The following HEXIM1 variants were observed in gnomAD, a reference collection of about 807,000 sequenced individuals.
HEXIM1 encodes HEXIM P-TEFb complex subunit 1.
In HEXIM1, 1 loss-of-function variant was observed where a neutral mutation model predicts 30.3. The ratio of observed to expected loss-of-function variants is 0.03; its 90% CI spans 0.01 to 0.16. HEXIM1 has a LOEUF of 0.16. Among genes scored for constraint, HEXIM1 ranks in the 10% least tolerant of loss-of-function variants. HEXIM1 has a pLI of 1.00. For missense variants in HEXIM1, 391 were observed against 476.4 expected, an observed-to-expected ratio of 0.82 and a Z score of 1.67; for synonymous variants, 245 against 208.3, an observed-to-expected ratio of 1.18 and a Z score of -1.52.
In HEXIM1 at chr17:45,148,788, C is replaced by G; in HGVS notation, c.-403C>G. 2.5e-6 allele frequency: 1 copy of G among 402,990 alleles called. No individual in the cohort carries two copies. 25.0% of individuals were successfully genotyped at this position (402,990 alleles called of 1,614,324 possible). A position where few individuals can be genotyped will look rare whatever the true frequency, so the allele number is the denominator to read the frequency against. ...TTAACCCTTTGTGGATCTGGCCCCT[C>G]GGAGGCAGCGTCATCGGTAGTTTTA... On this transcript the variant is annotated 5_prime_UTR_variant, in exon 1 of 1. Transcript: ENST00000332499.
Position 45,149,117 on chromosome 17 carries a change from T to C in HEXIM1, c.-74T>C, listed in dbSNP as rs2055526411. The C allele has an allele frequency of 2.1e-6, 3 of 1,423,374 alleles. No individual in the cohort carries two copies. Among genetic ancestry groups the C allele is most frequent in the Admixed American group, 4.5e-5 (2 of 44,270 alleles). 88.2% of individuals were successfully genotyped at this position (1,423,374 alleles called of 1,614,324 possible). On this transcript the variant is annotated 5_prime_UTR_variant, in exon 1 of 1. Coordinates refer to ENST00000332499, the MANE Select transcript of HEXIM1 (RefSeq NM_006460.3). The surrounding 1 kb of genome is among the most constrained non-coding windows in gnomAD (Gnocchi z 5.3). ...CTGTTTTTTTTTTCTTTTTCTTTTT[T>C]TTAAGAAAAACCCATTTTTTTCCTT...
rs1361275470 is a variant in HEXIM1 at position 45,150,521 on chromosome 17, G to C, written c.*251G>C. The C allele has an allele frequency of 4.2e-6, 2 of 476,920 alleles. No homozygotes were observed. Among genetic ancestry groups the C allele is most frequent in the Non-Finnish European group, 7.6e-6 (2 of 264,398 alleles). 29.5% of individuals were successfully genotyped at this position (476,920 alleles called of 1,614,324 possible). ...AGAAGTTTTTTTCCTTAATGTGAAA[G>C]TAATTTGACCAAGTTATAATGCATT... On this transcript the variant is annotated 3_prime_UTR_variant, in exon 1 of 1. Transcript: ENST00000332499.
chr17:45,149,105 CTTTTT>C lies in HEXIM1; in HGVS notation c.-85_-81del. 1.8e-6 allele frequency: 2 copies of C among 1,139,092 alleles called. No homozygotes were observed. The highest frequency in any genetic ancestry group is 2.4e-6 in the Non-Finnish European group (2 of 827,146). 70.6% of individuals were successfully genotyped at this position (1,139,092 alleles called of 1,614,324 possible). On this transcript the variant is annotated 5_prime_UTR_variant, in exon 1 of 1. Transcript: ENST00000332499. The surrounding 1 kb of genome is among the most constrained non-coding windows in gnomAD (Gnocchi z 5.3). ...GACTCTGTTGGACTGTTTTTTTTTT[CTTTTT>C]CTTTTTTTTAAGAAAAACCCATTTT... is the stretch of plus-strand genomic sequence containing the variant.
At position 45,149,417 on chromosome 17, in the gene HEXIM1, C is replaced by T. The variant is rs977466725; in HGVS notation, c.227C>T (p.Thr76Ile). The change falls in exon 1 of 1, where the codon ACC (threonine) becomes ATC (isoleucine). Residue 76 changes from threonine (T) to isoleucine (I), a missense_variant. Thr to Ile is a moderately conservative substitution (Grantham distance 89). This residue lies in a region of HEXIM1 where 230 missense variants were observed against 199.4 expected (regional missense o/e 1.15). Coordinates refer to ENST00000332499, the MANE Select transcript of HEXIM1 (RefSeq NM_006460.3). This position sits in a 1 kb window ranked among gnomAD's most constrained non-coding sequence, Gnocchi z 5.3. ...SLESQPPPLQ[T>I]QACPESSCLR... ...GAATCCCAACCACCTCCCTTGCAGA[C>T]CCAGGCCTGTCCAGAATCTAGCTGC... 3 of 1,613,282 alleles carry T rather than the reference C, an allele frequency of 1.9e-6. No individual in the cohort carries two copies. Among genetic ancestry groups the T allele is most frequent in the Non-Finnish European group, 1.7e-6 (2 of 1,179,944 alleles).
chr17:45,149,592 C>T lies in HEXIM1; in HGVS notation c.402C>T (p.Ala134=), dbSNP rs369049036. 3.7e-6 allele frequency: 6 copies of T among 1,611,040 alleles called. No homozygotes were observed. Among genetic ancestry groups the T allele is most frequent in the African/African-American group, 1.3e-5 (1 of 74,790 alleles). The part of the protein sequence containing the change: ...DSEASKLGAP[A]AGGEEEWGQQ... ...AGGCCAGTAAGTTGGGGGCTCCTGC[C>T]GCAGGGGGCGAAGAGGAGTGGGGAC... The change falls in exon 1 of 1, where the codon GCC becomes GCT. Residue 134 remains alanine (A), a synonymous_variant. Coordinates refer to ENST00000332499, the MANE Select transcript of HEXIM1 (RefSeq NM_006460.3). The surrounding 1 kb of genome is among the most constrained non-coding windows in gnomAD (Gnocchi z 5.3).
In HEXIM1 at chr17:45,149,688, G is replaced by C. The variant is rs773571332; in HGVS notation, c.498G>C (p.Pro166=). 3.1e-6 allele frequency: 5 copies of C among 1,612,418 alleles called. No individual in the cohort carries two copies. In the South Asian group the frequency reaches 5.5e-5, roughly 18 times the overall value. The change falls in exon 1 of 1, where the codon CCG becomes CCC. Residue 166 remains proline (P), a synonymous_variant. Transcript: ENST00000332499. This position sits in a 1 kb window ranked among gnomAD's most constrained non-coding sequence, Gnocchi z 5.3. ...CCAAGAAGAAGCGGCATTGGAAACC[G>C]TACTACAAGCTGACCTGGGAAGAGA... ...RPSKKKRHWK[P]YYKLTWEEKK...
chr17:45,148,862 G>A lies in HEXIM1; in HGVS notation c.-329G>A. On this transcript the variant is annotated 5_prime_UTR_variant, in exon 1 of 1. Coordinates refer to ENST00000332499, the MANE Select transcript of HEXIM1 (RefSeq NM_006460.3). ...GCACTGGACTTACCCTCATCACCTT[G>A]CTCACCAACTCCTTTATTGGGGTGC... 1 of 432,192 alleles carries A rather than the reference G, an allele frequency of 2.3e-6. No individual in the cohort carries two copies. The highest frequency in any genetic ancestry group is 4.1e-6 in the Non-Finnish European group (1 of 245,018). 26.8% of individuals were successfully genotyped at this position (432,192 alleles called of 1,614,324 possible).
At position 45,149,523 on chromosome 17, in the gene HEXIM1, G is replaced by C. The variant is rs746679626; in HGVS notation, c.333G>C (p.Pro111=). 6.2e-7 allele frequency: 1 copy of C among 1,607,152 alleles called. No homozygotes were observed. The change falls in exon 1 of 1, where the codon CCG becomes CCC. Residue 111 remains proline (P), a synonymous_variant. Transcript: ENST00000332499. This position sits in a 1 kb window ranked among gnomAD's most constrained non-coding sequence, Gnocchi z 5.3. ...GDFPPPAEVE[P]TPEAELLAQP... Reference sequence around the variant, plus strand: ...TCCCGCCGCCGGCAGAAGTGGAACCGACGCCCGAGGCCGAGCTGCTCGCCC... The same window carrying C: ...TCCCGCCGCCGGCAGAAGTGGAACCCACGCCCGAGGCCGAGCTGCTCGCCC...
At position 45,150,272 on chromosome 17, in the gene HEXIM1, CTG is replaced by C. The variant is rs764824737; in HGVS notation, c.*3_*4del. Reference sequence around the variant, plus strand: ...CCGCTTTCCAAGTTTGGAGACTAGACTGAAACTTTTTTGGGGGAGGGGGCAAA... The same window carrying C: ...CCGCTTTCCAAGTTTGGAGACTAGACAAACTTTTTTGGGGGAGGGGGCAAA... On this transcript the variant is annotated 3_prime_UTR_variant, in exon 1 of 1. Transcript: ENST00000332499. The C allele has an allele frequency of 2.8e-4, 455 of 1,604,768 alleles. No individual in the cohort carries two copies. The highest frequency in any genetic ancestry group is 3.7e-4 in the Non-Finnish European group (437 of 1,174,040).
In HEXIM1 at chr17:45,149,369, G is replaced by T; in HGVS notation, c.179G>T (p.Gly60Val). The T allele has an allele frequency of 1.2e-6, 2 of 1,613,434 alleles. No homozygotes were observed. The highest frequency in any genetic ancestry group is 1.7e-6 in the Non-Finnish European group (2 of 1,179,928). ...RAFPQLGGRP[G>V]PEGEGSLESQ... ...TTCCCCCAGTTGGGTGGCCGTCCGG[G>T]GCCGGAGGGGGAAGGGAGCCTGGAA... is the stretch of plus-strand genomic sequence containing the variant. Residue 60 changes from glycine (G) to valine (V), a missense_variant, in exon 1 of 1, where the codon GGG becomes GTG. By Grantham distance (109) the Gly-to-Val change is moderately radical. Around this residue, in one of 5 missense-constraint regions of HEXIM1, gnomAD observed 230 missense variants for 199.4 expected, o/e 1.15. Transcript: ENST00000332499. The surrounding 1 kb of genome is among the most constrained non-coding windows in gnomAD (Gnocchi z 5.3).
Position 45,150,428 on chromosome 17 carries a change from C to CTAAA in HEXIM1, c.*159_*160insAAAT. 2 of 737,392 alleles carry CTAAA rather than the reference C, an allele frequency of 2.7e-6. No homozygotes were observed. Among genetic ancestry groups the CTAAA allele is most frequent in the Non-Finnish European group, 4.4e-6 (2 of 457,642 alleles). The allele number at this position is 737,392 out of a possible 1,614,324, so 45.7% of individuals were successfully genotyped here. A position where few individuals can be genotyped will look rare whatever the true frequency, so the allele number is the denominator to read the frequency against. ...GTTTCGTAAATTTAGCTATATGTAG[C>CTAAA]TTGCGTGCTTTCTCCTGTTCTTTTA... On this transcript the variant is annotated 3_prime_UTR_variant, in exon 1 of 1. Transcript: ENST00000332499.
chr17:45,149,753 G>C lies in HEXIM1; in HGVS notation c.563G>C (p.Arg188Thr). 1 of 1,613,770 alleles carries C rather than the reference G, an allele frequency of 6.2e-7. No individual in the cohort carries two copies. The highest frequency in any genetic ancestry group is 8.5e-7 in the Non-Finnish European group (1 of 1,179,998). ...GAGAAACAGAGCCTTCGAGCTTCAAGGATCCGAGCCGAGATGTTCGCCAAG... is the reference window on the plus strand; with the variant it reads ...GAGAAACAGAGCCTTCGAGCTTCAACGATCCGAGCCGAGATGTTCGCCAAG... ...FDEKQSLRASRIRAEMFAKGQ... is the reference protein window; with the variant it reads ...FDEKQSLRASTIRAEMFAKGQ... The change falls in exon 1 of 1, where the codon AGG becomes ACG. Residue 188 changes from arginine (R) to threonine (T), a missense_variant. Transcript: ENST00000332499. This position sits in a 1 kb window ranked among gnomAD's most constrained non-coding sequence, Gnocchi z 5.3.
rs915627231 is a variant in HEXIM1 at position 45,150,621 on chromosome 17, G to T, written c.*351G>T. On this transcript the variant is annotated 3_prime_UTR_variant, in exon 1 of 1. Coordinates refer to ENST00000332499, the MANE Select transcript of HEXIM1 (RefSeq NM_006460.3). ...TCTGAGAACAATTAAATTCATTTTAGTTATAATAAATTTAATATTTGTAAA... is the reference window on the plus strand; with the variant it reads ...TCTGAGAACAATTAAATTCATTTTATTTATAATAAATTTAATATTTGTAAA... 3.0e-5 allele frequency: 6 copies of T among 202,114 alleles called. No homozygotes were observed. The highest frequency in any genetic ancestry group is 2.8e-4 in the Admixed American group (5 of 17,880). The allele number at this position is 202,114 out of a possible 1,614,324, so 12.5% of individuals were successfully genotyped here.
Position 45,148,942 on chromosome 17 carries a change from G to T in HEXIM1, c.-249G>T. 1 of 497,524 alleles carries T rather than the reference G, an allele frequency of 2.0e-6. No homozygotes were observed. The highest frequency in any genetic ancestry group is 3.5e-6 in the Non-Finnish European group (1 of 284,024). 30.8% of individuals were successfully genotyped at this position (497,524 alleles called of 1,614,324 possible). A position where few individuals can be genotyped will look rare whatever the true frequency, so the allele number is the denominator to read the frequency against. On this transcript the variant is annotated 5_prime_UTR_variant, in exon 1 of 1. Transcript: ENST00000332499. Reference sequence around the variant, plus strand: ...CCCATTACGTACTGTTCCTGCCGCTGCACCCCCTTGGACCCGCTAGCTGGC... The same window carrying T: ...CCCATTACGTACTGTTCCTGCCGCTTCACCCCCTTGGACCCGCTAGCTGGC...
Position 45,149,509 on chromosome 17 carries a change from G to A in HEXIM1, c.319G>A (p.Ala107Thr). 1 of 1,609,294 alleles carries A rather than the reference G, an allele frequency of 6.2e-7. No homozygotes were observed. The highest frequency in any genetic ancestry group is 8.5e-7 in the Non-Finnish European group (1 of 1,178,404). The change falls in exon 1 of 1, where the codon GCA becomes ACA. Residue 107 changes from alanine to threonine, a missense_variant. Around this residue, in one of 5 missense-constraint regions of HEXIM1, gnomAD observed 230 missense variants for 199.4 expected, o/e 1.15. Transcript: ENST00000332499. This position sits in a 1 kb window ranked among gnomAD's most constrained non-coding sequence, Gnocchi z 5.3. ...SSAGGDFPPP[A>T]EVEPTPEAEL... Reference sequence around the variant, plus strand: ...CGCTGGCGGCGACTTCCCGCCGCCGGCAGAAGTGGAACCGACGCCCGAGGC... The same window carrying A: ...CGCTGGCGGCGACTTCCCGCCGCCGACAGAAGTGGAACCGACGCCCGAGGC...
rs147427660 is a variant in HEXIM1, at chr17:45,149,429, C to A, written c.239C>A (p.Pro80Gln). 4.4e-4 allele frequency: 712 copies of A among 1,613,224 alleles called. 1 individual carries two copies. The highest frequency in any genetic ancestry group is 5.5e-4 in the Non-Finnish European group (647 of 1,179,914). ...QPPPLQTQAC[P>Q]ESSCLREGEK... The stretch of plus-strand genomic sequence containing the variant: ...CCTCCCTTGCAGACCCAGGCCTGTC[C>A]AGAATCTAGCTGCCTGAGAGAGGGC... Residue 80 changes from proline to glutamine, a missense_variant, in exon 1 of 1, where the codon CCA becomes CAA. Pro to Gln is a moderately conservative substitution (Grantham distance 76). This residue lies in a region of HEXIM1 where 230 missense variants were observed against 199.4 expected (regional missense o/e 1.15). Coordinates refer to ENST00000332499, the MANE Select transcript of HEXIM1 (RefSeq NM_006460.3). This position sits in a 1 kb window ranked among gnomAD's most constrained non-coding sequence, Gnocchi z 5.3.
Position 45,149,940 on chromosome 17 carries a change from G to T in HEXIM1, c.750G>T (p.Gly250=), listed in dbSNP as rs753274498. 3.1e-6 allele frequency: 5 copies of T among 1,613,958 alleles called. No homozygotes were observed. ...TGGAAGAAGGGGGTGAGGAGGATGGGGGCAGCGATGGGATGGGAGGGGACG... is the reference window on the plus strand; with the variant it reads ...TGGAAGAAGGGGGTGAGGAGGATGGTGGCAGCGATGGGATGGGAGGGGACG... The part of the protein sequence containing the change: ...DFMEEGGEED[G]GSDGMGGDGS... The change falls in exon 1 of 1, where the codon GGG becomes GGT. Residue 250 remains glycine, a synonymous_variant. Coordinates refer to ENST00000332499, the MANE Select transcript of HEXIM1 (RefSeq NM_006460.3). The surrounding 1 kb of genome is among the most constrained non-coding windows in gnomAD (Gnocchi z 5.3).
rs758892714 is a variant in HEXIM1, at chr17:45,149,304, G to C, written c.114G>C (p.Glu38Asp). The change falls in exon 1 of 1, where the codon GAG becomes GAC. Residue 38 changes from glutamate to aspartate, a missense_variant. Physicochemically the swap from Glu to Asp is conservative, Grantham distance 45 (BLOSUM62 2). Around this residue, in one of 5 missense-constraint regions of HEXIM1, gnomAD observed 230 missense variants for 199.4 expected, o/e 1.15. Coordinates refer to ENST00000332499, the MANE Select transcript of HEXIM1 (RefSeq NM_006460.3). This position sits in a 1 kb window ranked among gnomAD's most constrained non-coding sequence, Gnocchi z 5.3. Reference protein sequence around the residue: ...LNPERPPGAEERVPEEDSRWQ... With the variant: ...LNPERPPGAEDRVPEEDSRWQ... The stretch of plus-strand genomic sequence containing the variant: ...CTGAGCGCCCCCCAGGCGCGGAGGA[G>C]CGGGTGCCCGAGGAGGACAGTAGGT... The C allele has an allele frequency of 6.2e-7, 1 of 1,613,736 alleles. No homozygotes were observed. The highest frequency in any genetic ancestry group is 1.1e-5 in the South Asian group (1 of 91,090).
At position 45,149,480 on chromosome 17, in the gene HEXIM1, C is replaced by T. The variant is rs767754935; in HGVS notation, c.290C>T (p.Ser97Leu). 6 of 1,611,060 alleles carry T rather than the reference C, an allele frequency of 3.7e-6. No homozygotes were observed. The highest frequency in any genetic ancestry group is 2.2e-5 in the East Asian group (1 of 44,782). ...EGEKGQNGDD[S>L]SAGGDFPPPA... is the part of the protein sequence containing the mutation. The stretch of plus-strand genomic sequence containing the variant: ...GAGAAGGGCCAGAATGGGGACGACT[C>T]GTCCGCTGGCGGCGACTTCCCGCCG... Residue 97 changes from serine (S) to leucine (L), a missense_variant, in exon 1 of 1, where the codon TCG (serine) becomes TTG (leucine). By Grantham distance (145) the Ser-to-Leu change is moderately radical. Around this residue, in one of 5 missense-constraint regions of HEXIM1, gnomAD observed 230 missense variants for 199.4 expected, o/e 1.15. Transcript: ENST00000332499. This position sits in a 1 kb window ranked among gnomAD's most constrained non-coding sequence, Gnocchi z 5.3.
Sources: allele counts gnomAD v4.1 joint callset, GRCh38; gene constraint gnomAD v4.1.1; regional missense constraint gnomAD v4.1.1; non-coding constraint Gnocchi (gnomAD v3.1); transcripts MANE v1.5; gene names NCBI Gene and HGNC (gene_info 2026-07-23, HGNC 2026-07-21).